The following ZNF883 variants were observed in gnomAD, a reference collection of about 807,000 sequenced individuals.
ZNF883 encodes the protein zinc finger protein 883.
intron 1 of ZNF883, among the ~76,000 whole-genome samples, chr9:112,989,951 T>C (rs1297206042): frequency 2.6e-5 from 4 of 152,242 alleles, no homozygotes; most frequent in African/African-American, 7.2e-5. Flanking sequence ...CTTGTGATTT[T>C]TGCATATTGA....
At chr9:113,009,516 T>A (rs1233939610) in intron 2 of ZNF883, among the ~76,000 whole-genome samples, 2 of 148,210 alleles carry the variant, frequency 1.3e-5, no homozygotes, top group East Asian at 3.9e-4. Context: ...TCATATTCCT[T>A]TTTTTTTTTT....
downstream of ZNF883, among the ~76,000 whole-genome samples, chr9:112,995,535 T>C (rs535534471): frequency 1.3e-5 from 2 of 151,864 alleles, no homozygotes; most frequent in African/African-American, 4.8e-5. Flanking sequence ...TTTCCTACTT[T>C]CCTTTCTCTC....
chr9:113,006,097 T>TAAA lies in ZNF883; in HGVS notation n.166-4027_166-4025dup, dbSNP rs33952027. On this transcript the variant is annotated intron_variant and non_coding_transcript_variant, in intron 2 of 4. Transcript: ENST00000638622. Reference sequence around the variant, plus strand: ...CTCTAAAAGTTCAAGCATGAAAAATTAAAAAAAAAAAAGAAACCAGCCTAA... The same window carrying TAAA: ...CTCTAAAAGTTCAAGCATGAAAAATTAAAAAAAAAAAAAAAGAAACCAGCCTAA... Among the ~76,000 whole-genome samples, 216 of 144,336 alleles carry TAAA rather than the reference T, an allele frequency of 1.5e-3. 1 individual carries two copies. The highest frequency in any genetic ancestry group is 1.7e-3 in the Admixed American group (25 of 14,568). 94.7% of individuals were successfully genotyped at this position (144,336 alleles called of 152,430 possible). A position where few individuals can be genotyped will look rare whatever the true frequency, so the allele number is the denominator to read the frequency against.
chr9:112,996,812 AAAAAAAAAAAAAG>A (rs1335538716), downstream of ZNF883, among the ~76,000 whole-genome samples: 450 of 147,356 alleles, frequency 3.1e-3, 7 homozygotes, highest in African/African-American at 9.6e-3. Flanking sequence ...AAAAAAAAAA[AAAAAAAAAAAAAG>A]TTTTTTTATA....
At chr9:112,990,300 TTTA>T (rs1446947596) in intron 1 of ZNF883, among the ~76,000 whole-genome samples, 1 of 152,192 alleles carries the variant, frequency 6.6e-6, no homozygotes, top group African/African-American at 2.4e-5. Flanking sequence ...CAAAACCTAG[TTTA>T]TTGAGAGTTT....
rs143169222 is a variant in ZNF883 at position 112,989,472 on chromosome 9, T to C, written n.310-5893A>G. The stretch of plus-strand genomic sequence containing the variant: ...TTTCTGAGATCTCTATTCTGTTCCA[T>C]TGGTCTATGTGTCGTTTTTGGACCA... On this transcript the variant is annotated intron_variant and non_coding_transcript_variant, in intron 1 of 9. Transcript: ENST00000638823. Among the ~76,000 whole-genome samples the C allele has an allele frequency of 5.5e-4, 84 of 152,338 alleles. 1 individual carries two copies. Among genetic ancestry groups the C allele is most frequent in the African/African-American group, 1.9e-3 (81 of 41,576 alleles).
At chr9:112,997,841 A>G (rs773946022) in exon 1 of ZNF883, 77 of 1,612,736 alleles carry the variant, frequency 4.8e-5, no homozygotes, top group Non-Finnish European at 6.4e-5. Context: ...ATGTTGAGTA[A>G]GGGCAGAGAT....
upstream of ZNF883, chr9:112,999,842 A>G (rs1490278577): frequency 1.3e-5 from 2 of 152,164 alleles, no homozygotes; most frequent in Non-Finnish European, 1.5e-5. Flanking sequence ...ATCACTGTTT[A>G]AGAATTTGTA....
At chr9:112,999,603 C>T (rs187821045), upstream of ZNF883, 1 of 152,324 alleles carries the variant, frequency 6.6e-6, no homozygotes, top group Admixed American at 6.5e-5. Flanking sequence ...TATAACCCCT[C>T]TTTCTCTGGT....
rs762961600 is a variant in ZNF883, at chr9:112,997,994, CTT to C, written n.264_265del. On this transcript the variant is annotated non_coding_transcript_exon_variant, in exon 1 of 1. Transcript: ENST00000639662. ...ATAAGGTTTCTCCCCAGTATGGACT[CTT>C]TGATGCTGAATAAGATTAGTGCTCT... 3.7e-6 allele frequency: 6 copies of C among 1,613,838 alleles called. No individual in the cohort carries two copies. The South Asian group carries it at 5.5e-5, about 15-fold the overall frequency.
At chr9:113,011,424 A>C (rs1397385706) in intron 1 of ZNF883, among the ~76,000 whole-genome samples, 197 bp from the exon 2 acceptor site, 1 of 152,224 alleles carries the variant, frequency 6.6e-6, no homozygotes, top group Non-Finnish European at 1.5e-5. Context: ...AACCAGAAAC[A>C]GGGCTAACTT....
At chr9:113,001,791 T>C (rs1238964286), upstream of ZNF883, among the ~76,000 whole-genome samples, 1 of 152,186 alleles carries the variant, frequency 6.6e-6, no homozygotes, top group African/African-American at 2.4e-5. Context: ...CTAAGTAGTC[T>C]TCAGGAATTC....
chr9:113,003,426 G>A (rs186352084), intron 2 of ZNF883, among the ~76,000 whole-genome samples: 73 of 152,228 alleles, frequency 4.8e-4, no homozygotes, highest in Non-Finnish European at 8.4e-4. Context: ...AGCAGCATGA[G>A]AATGGACTAA....
chr9:112,996,811 A>G (rs1306319532), downstream of ZNF883, among the ~76,000 whole-genome samples: 6 of 150,266 alleles, frequency 4.0e-5, no homozygotes, highest in East Asian at 9.7e-4. Flanking sequence ...AAAAAAAAAA[A>G]AAAAAAAAAA....
rs202002384 is a variant in ZNF883 at position 113,006,898 on chromosome 9, T to TAAAA, written n.165+4239_165+4242dup. The stretch of plus-strand genomic sequence containing the variant: ...CTGAGCAAAGACTATGGTAATTTTT[T>TAAAA]AAAAAAAAAAATCTTGGCTGGGCAC... On this transcript the variant is annotated intron_variant and non_coding_transcript_variant, in intron 2 of 4. Transcript: ENST00000638622. 1.5e-4 allele frequency among the ~76,000 whole-genome samples: 23 copies of TAAAA among 151,092 alleles called. No homozygotes were observed. In the East Asian group the frequency reaches 3.9e-3, roughly 25 times the overall value.
At chr9:112,997,626 TAC>T (rs1256713252) in exon 1 of ZNF883, 6 of 1,613,888 alleles carry the variant, frequency 3.7e-6, no homozygotes, top group Non-Finnish European at 5.1e-6. Context: ...CCACATTCAT[TAC>T]ATTCATATGG....
chr9:112,998,169 G>A, exon 1 of ZNF883: 1 of 1,613,856 alleles, frequency 6.2e-7, no homozygotes, highest in Non-Finnish European at 8.5e-7. Context: ...GTTTTCTGAT[G>A]CTGGGTCAGG....
exon 1 of ZNF883, chr9:112,997,302 G>A (rs373717710): frequency 1.2e-6 from 2 of 1,613,986 alleles, no homozygotes; most frequent in Non-Finnish European, 1.7e-6. Flanking sequence ...CACTGGTAGG[G>A]TTTCTCTCCT....
upstream of ZNF883, chr9:112,998,651 G>C (rs1022633336): frequency 5.1e-5 from 8 of 156,298 alleles, no homozygotes; most frequent in Admixed American, 4.5e-4. Flanking sequence ...GTCCTGCCTG[G>C]GCTGTGAATC....
Sources: gnomAD v4.1 joint callset for allele counts (sites outside exome capture counted in the v4.1 genomes callset) on GRCh38, gnomAD v4.1.1 for gene constraint, MANE v1.5 for transcripts, NCBI Gene and HGNC (gene_info 2026-07-23, HGNC 2026-07-21) for gene names.